The following PTPRD variants were observed in gnomAD, a reference collection of about 807,000 sequenced individuals.
PTPRD encodes receptor-type tyrosine-protein phosphatase delta.
In PTPRD, 34 loss-of-function variants were observed where a neutral mutation model predicts 214.5. That is an observed-to-expected ratio of 0.16 (90% CI 0.12 to 0.21). The LOEUF (loss-of-function observed/expected upper bound fraction) is 0.21, where lower values mean the gene tolerates loss of function less well. Among genes scored for constraint, PTPRD ranks in the 10% least tolerant of loss-of-function variants. The pLI is 1.00. For missense variants in PTPRD, 2,545 were observed against 2,398.7 expected, an observed-to-expected ratio of 1.06 and a Z score of -1.27; for synonymous variants, 1,128 against 845.7, an observed-to-expected ratio of 1.33 and a Z score of -5.79.
At chr9:8,349,632 G>T (rs548811625) in intron 39 of PTPRD, among the ~76,000 whole-genome samples, 15 of 152,226 alleles carry the variant, frequency 9.9e-5, no homozygotes, top group African/African-American at 3.6e-4. Context: ...CAGAGTAGTT[G>T]CCAAGCACTG....
intron 5 of PTPRD, among the ~76,000 whole-genome samples, chr9:9,848,389 C>G (rs2059934893): frequency 6.6e-6 from 1 of 152,044 alleles, no homozygotes. Context: ...GAATCAAAAT[C>G]ACGTAAAATG....
chr9:9,186,658 C>G (rs111612858), intron 9 of PTPRD, among the ~76,000 whole-genome samples: 2 of 151,382 alleles, frequency 1.3e-5, no homozygotes, highest in African/African-American at 4.9e-5. Context: ...CTCTCTCTCT[C>G]TCTCTCTCAC....
chr9:8,752,914 A>T (rs2093664542), intron 11 of PTPRD, among the ~76,000 whole-genome samples: 1 of 152,242 alleles, frequency 6.6e-6, no homozygotes, highest in Admixed American at 6.5e-5. Context: ...TTTGGTATAC[A>T]TCAAAAGCTG....
chr9:10,342,298 T>C (rs1176176196), intron 2 of PTPRD, among the ~76,000 whole-genome samples: 1 of 152,106 alleles, frequency 6.6e-6, no homozygotes, highest in Non-Finnish European at 1.5e-5. Context: ...ATAGTAAGCA[T>C]TTTTAATCAA....
intron 2 of PTPRD, among the ~76,000 whole-genome samples, chr9:10,482,145 G>C (rs1392330146): frequency 6.6e-6 from 1 of 152,104 alleles, no homozygotes; most frequent in African/African-American, 2.4e-5. Flanking sequence ...GCCCAGGCGG[G>C]AGAATCACGA....
At chr9:8,532,844 T>C (rs982909897) in intron 14 of PTPRD, among the ~76,000 whole-genome samples, 3 of 152,066 alleles carry the variant, frequency 2.0e-5, no homozygotes, top group Non-Finnish European at 1.5e-5. Context: ...AGCACCCTCT[T>C]TGAATCTGTT....
intron 14 of PTPRD, among the ~76,000 whole-genome samples, chr9:8,608,539 TCA>T (rs2095325179): frequency 6.6e-6 from 1 of 152,100 alleles, no homozygotes; most frequent in African/African-American, 2.4e-5. Flanking sequence ...TCAGAGACTC[TCA>T]GTGTCTCTCC....
intron 11 of PTPRD, among the ~76,000 whole-genome samples, chr9:8,784,322 A>T (rs545856371): frequency 5.3e-5 from 8 of 152,216 alleles, no homozygotes; most frequent in Non-Finnish European, 1.2e-4. Context: ...GTTTTAAATA[A>T]ATTTCATTTC....
At chr9:9,503,504 G>GA (rs1164637911) in intron 8 of PTPRD, among the ~76,000 whole-genome samples, 1 of 151,590 alleles carries the variant, frequency 6.6e-6, no homozygotes, top group African/African-American at 2.4e-5. Context: ...AAGACCAGAT[G>GA]AAAAAATGTA....
intron 3 of PTPRD, among the ~76,000 whole-genome samples, chr9:10,045,285 G>C (rs1208245787): frequency 1.3e-5 from 2 of 151,518 alleles, no homozygotes; most frequent in African/African-American, 2.4e-5. Context: ...TTAACAATTA[G>C]CAAAACACTT....
chr9:10,267,652 A>C (rs1288246116), intron 3 of PTPRD, among the ~76,000 whole-genome samples: 2 of 152,302 alleles, frequency 1.3e-5, no homozygotes, highest in East Asian at 3.9e-4. Flanking sequence ...ACATTTTGGC[A>C]TGTCTTACCA....
chr9:8,423,661 C>T (rs2094495766), intron 35 of PTPRD, among the ~76,000 whole-genome samples: 1 of 151,998 alleles, frequency 6.6e-6, no homozygotes, highest in Admixed American at 6.6e-5. Flanking sequence ...GGCACCTTGC[C>T]AGTATAGGTC....
chr9:10,468,891 T>C (rs2099012176), intron 2 of PTPRD, among the ~76,000 whole-genome samples: 1 of 152,302 alleles, frequency 6.6e-6, no homozygotes, highest in African/African-American at 2.4e-5. Flanking sequence ...AGGTCATATA[T>C]TCTTGCCCAC....
chr9:8,649,900 G>A (rs1182339882), intron 12 of PTPRD, among the ~76,000 whole-genome samples: 1 of 151,820 alleles, frequency 6.6e-6, no homozygotes, highest in Non-Finnish European at 1.5e-5. Flanking sequence ...TTACTTTAAG[G>A]GCTATTTTTT....
chr9:8,964,190 G>GTTTTTTT (rs1334290420), intron 11 of PTPRD, among the ~76,000 whole-genome samples: 545 of 52,764 alleles, frequency 0.01, 82 homozygotes, highest in East Asian at 0.024. Context: ...GTTCAGGGCT[G>GTTTTTTT]TGTTTTTTTT....
At position 10,268,962 on chromosome 9, in the gene PTPRD, C is replaced by T. The variant is rs144643731; in HGVS notation, c.-545+72001G>A. On this transcript the variant is annotated intron_variant, in intron 3 of 45. Coordinates refer to ENST00000381196, the MANE Select transcript of PTPRD (RefSeq NM_002839.4). ...GGCAGTATCCCTGGCCTCTAGCCATCGAATGTCAGTAGCGCCCTCCAGTGT... is the reference window on the plus strand; with the variant it reads ...GGCAGTATCCCTGGCCTCTAGCCATTGAATGTCAGTAGCGCCCTCCAGTGT... 6.0e-4 allele frequency among the ~76,000 whole-genome samples: 92 copies of T among 152,158 alleles called. 1 individual carries two copies. Among genetic ancestry groups the T allele is most frequent in the Admixed American group, 4.4e-3 (68 of 15,300 alleles).
chr9:8,426,690 G>A (rs765802546), intron 35 of PTPRD, among the ~76,000 whole-genome samples: 11 of 151,950 alleles, frequency 7.2e-5, no homozygotes, highest in Non-Finnish European at 1.5e-4. Context: ...AACAGAAAAC[G>A]AGTTATGTGA....
intron 14 of PTPRD, among the ~76,000 whole-genome samples, chr9:8,566,136 GTGTGTA>G (rs1220217520): frequency 6.9e-6 from 1 of 145,188 alleles, no homozygotes; most frequent in Non-Finnish European, 1.5e-5. Flanking sequence ...GTGTGTGTGT[GTGTGTA>G]TAGCAAGTTT....
chr9:8,383,736 A>T (rs2085962365), intron 37 of PTPRD, among the ~76,000 whole-genome samples: 1 of 152,164 alleles, frequency 6.6e-6, no homozygotes, highest in African/African-American at 2.4e-5. Context: ...CCCCATCTCC[A>T]ACATTTATAA....
Sources: gnomAD v4.1 joint callset for allele counts (sites outside exome capture counted in the v4.1 genomes callset) on GRCh38, gnomAD v4.1.1 for gene constraint, MANE v1.5 for transcripts, NCBI Gene and HGNC (gene_info 2026-07-23, HGNC 2026-07-21) for gene names.